The following PSMA8 variants were observed in gnomAD, a reference collection of about 807,000 sequenced individuals.
PSMA8 encodes the protein proteasome 20S subunit alpha 8.
Under a neutral mutation model 32.4 loss-of-function variants are expected in PSMA8, and 18 were observed. That is an observed-to-expected ratio of 0.56 (90% CI 0.38 to 0.82). The LOEUF is 0.82. PSMA8 is among the 40% of genes least tolerant of loss of function. The probability of loss-of-function intolerance (pLI) is 0.00; values close to 1 mark genes in which losing one functional copy is unlikely to be tolerated. For missense variants in PSMA8, 298 were observed against 300.7 expected, an observed-to-expected ratio of 0.99 and a Z score of 0.07; for synonymous variants, 104 against 98.1, an observed-to-expected ratio of 1.06 and a Z score of -0.36.
Position 26,151,889 on chromosome 18 carries a change from C to G in PSMA8, c.261C>G (p.Asn87Lys), listed in dbSNP as rs1051809859. Residue 87 changes from asparagine (N) to lysine (K), a missense_variant, in exon 3 of 7, where the codon AAC (asparagine) becomes AAG (lysine). Asn to Lys is a moderately conservative substitution (Grantham distance 94). Coordinates refer to ENST00000415576, the MANE Select transcript of PSMA8 (RefSeq NM_001025096.2). ...GLTADARVVI[N>K]RARVECQSHK... is the part of the protein sequence containing the mutation. The stretch of plus-strand genomic sequence containing the variant: ...CTGCTGATGCTAGAGTAGTAATAAA[C>G]AGAGCCCGTGTGGAGTGCCAGAGCC... 8 of 1,610,454 alleles carry G rather than the reference C, an allele frequency of 5.0e-6. No individual in the cohort carries two copies. The African/African-American group carries it at 9.3e-5, about 19-fold the overall frequency.
At chr18:26,168,698 C>A (rs527988357) in intron 4 of PSMA8, among the ~76,000 whole-genome samples, 1 of 125,276 alleles carries the variant, frequency 8.0e-6, no homozygotes, top group East Asian at 2.3e-4. Flanking sequence ...CCCAGCTAAC[C>A]GATTAATATT....
chr18:26,163,213 G>GTATATATATATATATATATA (rs58945617), intron 4 of PSMA8, among the ~76,000 whole-genome samples: 1 of 80,912 alleles, frequency 1.2e-5, no homozygotes, highest in Non-Finnish European at 2.3e-5. Flanking sequence ...ATGTGTGTGT[G>GTATATATATATATATATATA]TATATATATA....
intron 6 of PSMA8, among the ~76,000 whole-genome samples, chr18:26,179,623 G>C (rs868293255): frequency 6.6e-6 from 1 of 152,116 alleles, no homozygotes; most frequent in South Asian, 2.1e-4. Context: ...AAAATGTTCA[G>C]GATATTGTGA....
At chr18:26,165,537 G>C (rs1244501043) in intron 4 of PSMA8, among the ~76,000 whole-genome samples, 1 of 152,128 alleles carries the variant, frequency 6.6e-6, no homozygotes, top group Non-Finnish European at 1.5e-5. Flanking sequence ...CAAACGAACA[G>C]TAGCTAGAGG....
chr18:26,136,710 G>T (rs1213082299), intron 1 of PSMA8, among the ~76,000 whole-genome samples: 1 of 152,068 alleles, frequency 6.6e-6, no homozygotes, highest in East Asian at 1.9e-4. Flanking sequence ...TTTAATTTCA[G>T]GTATATTTAA....
intron 1 of PSMA8, among the ~76,000 whole-genome samples, chr18:26,139,307 A>G (rs2054935829): frequency 6.6e-6 from 1 of 152,164 alleles, no homozygotes; most frequent in Non-Finnish European, 1.5e-5. Context: ...GGGAACTGAG[A>G]TCCTTAGTCC....
chr18:26,169,771 G>A (rs1281364943), intron 4 of PSMA8, among the ~76,000 whole-genome samples: 1 of 127,666 alleles, frequency 7.8e-6, no homozygotes, highest in Non-Finnish European at 1.5e-5. Context: ...CTTGAATCTG[G>A]GAAGGCGGAG....
At chr18:26,146,877 C>T (rs777168400) in intron 2 of PSMA8, among the ~76,000 whole-genome samples, 2 of 152,178 alleles carry the variant, frequency 1.3e-5, no homozygotes, top group African/African-American at 4.8e-5. Context: ...TTCACAGTTC[C>T]GTAGGCTGTA....
intron 6 of PSMA8, among the ~76,000 whole-genome samples, chr18:26,183,375 G>C (rs1173972834): frequency 6.7e-6 from 1 of 149,464 alleles, no homozygotes; most frequent in Admixed American, 6.6e-5. Flanking sequence ...CTGGGTGACA[G>C]AGCAAGACTC....
rs532481366 is a variant in PSMA8, at chr18:26,139,675, C to T, written c.103-4884C>T. On this transcript the variant is annotated intron_variant, in intron 1 of 6. Transcript: ENST00000415576. ...ACTAAATATAGACTATAGACTAAGC[C>T]GAGGATAGTCTACAACTGAACCTTG... Among the ~76,000 whole-genome samples the T allele has an allele frequency of 9.2e-5, 14 of 152,196 alleles. No homozygotes were observed. The South Asian group carries it at 2.5e-3, about 27-fold the overall frequency.
At chr18:26,163,921 C>G (rs1598657297) in intron 4 of PSMA8, among the ~76,000 whole-genome samples, 1 of 151,982 alleles carries the variant, frequency 6.6e-6, no homozygotes, top group Non-Finnish European at 1.5e-5. Context: ...AGGCATTGGG[C>G]CAGGGAAAGG....
At chr18:26,144,410 C>A in intron 1 of PSMA8, 149 bp from the exon 2 acceptor site, 1 of 601,198 alleles carries the variant, frequency 1.7e-6, no homozygotes, top group Non-Finnish European at 2.9e-6. Flanking sequence ...TAAGCCTATA[C>A]CTATGAAGCT....
At chr18:26,134,369 G>GTT (rs1370381398) in intron 1 of PSMA8, among the ~76,000 whole-genome samples, 1 of 129,558 alleles carries the variant, frequency 7.7e-6, no homozygotes, top group Non-Finnish European at 1.5e-5. Flanking sequence ...GTGTGTCTCT[G>GTT]TGTGTGTGTG....
rs1410532763 is a variant in PSMA8, at chr18:26,168,229, A to G, written c.477+9985A>G. Among the ~76,000 whole-genome samples, 8 of 126,176 alleles carry G rather than the reference A, an allele frequency of 6.3e-5. 2 individuals are homozygous for G. The highest frequency in any genetic ancestry group is 9.0e-5 in the Non-Finnish European group (6 of 66,354). 82.8% of individuals were successfully genotyped at this position (126,176 alleles called of 152,430 possible). ...CAATGTCTTCTGTTTTTTTCCTCAC[A>G]TAACTTAGTCATTTCATTATTATGT... is the stretch of plus-strand genomic sequence containing the variant. On this transcript the variant is annotated intron_variant, in intron 4 of 6. Transcript: ENST00000415576.
At chr18:26,151,832 T>C (rs769896950) in intron 2 of PSMA8, 26 bp from the exon 3 acceptor site, 12 of 1,570,522 alleles carry the variant, frequency 7.6e-6, no homozygotes, top group Non-Finnish European at 9.5e-6. Context: ...TTTGTGGTTT[T>C]TGTGAAGTTT....
In PSMA8 at chr18:26,158,320, A is replaced by G. The variant is rs991720146; in HGVS notation, c.477+76A>G. 3.0e-5 allele frequency: 36 copies of G among 1,208,720 alleles called. No homozygotes were observed. In the African/African-American group the frequency reaches 5.1e-4, roughly 17 times the overall value. 74.9% of individuals were successfully genotyped at this position (1,208,720 alleles called of 1,614,324 possible). ...TGTAAATGCTTTATTGCTTTGAGAGACATGAAAAATTATGTTGCATTAAAT... is the reference window on the plus strand; with the variant it reads ...TGTAAATGCTTTATTGCTTTGAGAGGCATGAAAAATTATGTTGCATTAAAT... On this transcript the variant is annotated intron_variant, in intron 4 of 6. Coordinates refer to ENST00000415576, the MANE Select transcript of PSMA8 (RefSeq NM_001025096.2).
At chr18:26,179,955 A>T (rs2144346914) in intron 6 of PSMA8, among the ~76,000 whole-genome samples, 1 of 151,966 alleles carries the variant, frequency 6.6e-6, no homozygotes, top group East Asian at 1.9e-4. Flanking sequence ...AATTAAAAAA[A>T]AAAAAAGGAT....
chr18:26,189,483 T>A (rs1598677047), intron 6 of PSMA8, among the ~76,000 whole-genome samples: 1 of 152,170 alleles, frequency 6.6e-6, no homozygotes, highest in African/African-American at 2.4e-5. Context: ...CAGTGAGCCA[T>A]GATTGTGCCA....
chr18:26,134,841 C>G (rs1368267459), intron 1 of PSMA8, among the ~76,000 whole-genome samples: 2 of 152,074 alleles, frequency 1.3e-5, no homozygotes, highest in African/African-American at 4.8e-5. Context: ...GTAATCCCAG[C>G]TACTCGGGAG....
Sources: gnomAD v4.1 joint callset for allele counts (sites outside exome capture counted in the v4.1 genomes callset) on GRCh38, gnomAD v4.1.1 for gene constraint, MANE v1.5 for transcripts, NCBI Gene and HGNC (gene_info 2026-07-23, HGNC 2026-07-21) for gene names.